Variants in ULK4 observed in about 807,000 individuals in gnomAD.
ULK4 encodes the protein unc-51 like kinase 4.
ULK4 carries 133 observed loss-of-function variants against 160.6 expected under a neutral mutation model. The observed-to-expected ratio is 0.83, with a 90% CI of 0.72 to 0.96. The LOEUF is 0.96. Ranked by LOEUF, ULK4 falls within the 40% of genes least tolerant of loss-of-function variation. ULK4 has a pLI of 0.00. For missense variants in ULK4, 1,580 were observed against 1,499.5 expected (o/e 1.05, Z -0.89); for synonymous variants, 534 against 539.8 (o/e 0.99, Z 0.15).
intron 16 of ULK4, among the ~76,000 whole-genome samples, chr3:41,889,502 CAA>C (rs1171580667): frequency 1.3e-5 from 2 of 151,908 alleles, no homozygotes; most frequent in Admixed American, 1.3e-4. Context: ...TGCATGGACA[CAA>C]AGAGGGAACA....
intron 32 of ULK4, among the ~76,000 whole-genome samples, chr3:41,496,832 C>A (rs1032295286): frequency 6.6e-6 from 1 of 152,102 alleles, no homozygotes; most frequent in African/African-American, 2.4e-5. Context: ...CAACACCTTA[C>A]TAATAGACCC....
At chr3:41,882,177 GA>G (rs747847831) in intron 17 of ULK4, 10 of 702,160 alleles carry the variant, frequency 1.4e-5, no homozygotes, top group South Asian at 1.2e-4. Flanking sequence ...TATTTATTTT[GA>G]AATATTTGTC....
At chr3:41,824,814 G>C (rs1311687015) in intron 18 of ULK4, among the ~76,000 whole-genome samples, 2 of 152,204 alleles carry the variant, frequency 1.3e-5, no homozygotes, top group East Asian at 1.9e-4. Context: ...TTTGAAGAGA[G>C]TAGTGGTTCT....
intron 31 of ULK4, among the ~76,000 whole-genome samples, chr3:41,585,099 C>T (rs1310047561): frequency 6.6e-6 from 1 of 152,022 alleles, no homozygotes; most frequent in Non-Finnish European, 1.5e-5. Flanking sequence ...TCAAAGTGAT[C>T]TACCAGATTC....
At chr3:41,252,087 C>G (rs999088201) in intron 35 of ULK4, among the ~76,000 whole-genome samples, 1 of 152,178 alleles carries the variant, frequency 6.6e-6, no homozygotes, top group Non-Finnish European at 1.5e-5. Flanking sequence ...ACCTGTGAAA[C>G]CAATATGACA....
intron 18 of ULK4, among the ~76,000 whole-genome samples, chr3:41,830,035 C>T (rs1380245251): frequency 6.6e-6 from 1 of 151,754 alleles, no homozygotes; most frequent in Admixed American, 6.6e-5. Flanking sequence ...TCTAAGCAAA[C>T]TATCGCAAGG....
chr3:41,771,935 A>T (rs2039397078), intron 21 of ULK4, among the ~76,000 whole-genome samples: 1 of 152,156 alleles, frequency 6.6e-6, no homozygotes, highest in South Asian at 2.1e-4. Flanking sequence ...AATTAGAGAG[A>T]CACAACGGAA....
chr3:41,558,577 G>A (rs542576714), intron 32 of ULK4, among the ~76,000 whole-genome samples: 2 of 151,920 alleles, frequency 1.3e-5, no homozygotes, highest in Non-Finnish European at 2.9e-5. Flanking sequence ...GGTGGTGGGC[G>A]ACTGTAATCC....
intron 19 of ULK4, among the ~76,000 whole-genome samples, chr3:41,812,755 T>G (rs2125621967): frequency 6.6e-6 from 1 of 152,344 alleles, no homozygotes; most frequent in African/African-American, 2.4e-5. Context: ...CCTTCAAGTT[T>G]GTGCCCATTA....
chr3:41,286,226 T>C (rs896620018), intron 35 of ULK4, among the ~76,000 whole-genome samples: 2 of 152,210 alleles, frequency 1.3e-5, no homozygotes, highest in South Asian at 2.1e-4. Context: ...AGGTCTTTCA[T>C]ACATTACCTT....
chr3:41,442,961 A>C (rs1374940439), intron 34 of ULK4, among the ~76,000 whole-genome samples: 3 of 152,162 alleles, frequency 2.0e-5, no homozygotes, highest in African/African-American at 7.2e-5. Context: ...GAAACAGCAC[A>C]CTTTCTATGA....
chr3:41,857,998 G>A lies in ULK4; in HGVS notation c.1657-22027C>T, dbSNP rs191700213. ...TATTATTTCTTTTCTTCTAATTTTAGATTTGGTTTCCCTTGCTTTTCTAAA... is the reference window on the plus strand; with the variant it reads ...TATTATTTCTTTTCTTCTAATTTTAAATTTGGTTTCCCTTGCTTTTCTAAA... On this transcript the variant is annotated intron_variant, in intron 17 of 36. Transcript: ENST00000301831. 3.5e-3 allele frequency among the ~76,000 whole-genome samples: 537 copies of A among 151,708 alleles called. 3 individuals are homozygous for A. The highest frequency in any genetic ancestry group is 6.0e-3 in the Non-Finnish European group (408 of 67,892).
chr3:41,825,932 G>A (rs1002402517), intron 18 of ULK4, among the ~76,000 whole-genome samples: 1 of 152,164 alleles, frequency 6.6e-6, no homozygotes, highest in Non-Finnish European at 1.5e-5. Context: ...ACCCACAAAG[G>A]GAAGCCCATC....
At chr3:41,344,838 A>G in intron 35 of ULK4, among the ~76,000 whole-genome samples, 1 of 151,902 alleles carries the variant, frequency 6.6e-6, no homozygotes, top group Non-Finnish European at 1.5e-5. Context: ...CTATAATCAG[A>G]GTGACCTGAC....
intron 32 of ULK4, among the ~76,000 whole-genome samples, chr3:41,522,999 C>T (rs1483942619): frequency 6.6e-6 from 1 of 152,154 alleles, no homozygotes; most frequent in Non-Finnish European, 1.5e-5. Flanking sequence ...GTAACCTCCA[C>T]CTCCCAGGTT....
chr3:41,851,604 A>G (rs34677316), intron 17 of ULK4, among the ~76,000 whole-genome samples: 8,833 of 152,056 alleles, frequency 0.058, 467 homozygotes, highest in East Asian at 0.16. Flanking sequence ...AATGAGTTAG[A>G]GAGGATTCCC....
intron 35 of ULK4, among the ~76,000 whole-genome samples, chr3:41,292,026 G>A (rs2079576216): frequency 6.6e-6 from 1 of 151,702 alleles, no homozygotes. Context: ...GTAGAGACGG[G>A]GTTTCACCGT....
intron 31 of ULK4, among the ~76,000 whole-genome samples, chr3:41,579,666 G>A (rs916746337): frequency 6.6e-6 from 1 of 151,654 alleles, no homozygotes; most frequent in Non-Finnish European, 1.5e-5. Flanking sequence ...GCTAATTTTT[G>A]TATTTTTAGT....
intron 31 of ULK4, among the ~76,000 whole-genome samples, chr3:41,577,470 T>C (rs975068820): frequency 6.6e-6 from 1 of 152,204 alleles, no homozygotes; most frequent in African/African-American, 2.4e-5. Context: ...CATGTATCCT[T>C]TGTGTCACAA....
Sources: gnomAD v4.1 joint callset for allele counts (sites outside exome capture counted in the v4.1 genomes callset) on GRCh38, gnomAD v4.1.1 for gene constraint, MANE v1.5 for transcripts, NCBI Gene and HGNC (gene_info 2026-07-23, HGNC 2026-07-21) for gene names.